FBXL7: variants seen among roughly 807,000 people sequenced by gnomAD.
The protein encoded by FBXL7 is F-box/LRR-repeat protein 7.
Under a neutral mutation model 38.3 loss-of-function variants are expected in FBXL7, and 12 were observed. The observed-to-expected ratio is 0.31, with a 90% confidence interval of 0.20 to 0.51. The LOEUF (loss-of-function observed/expected upper bound fraction) is 0.51, where lower values mean the gene tolerates loss of function less well. FBXL7 is among the 20% of genes least tolerant of loss of function. The pLI is 0.98. For synonymous variants in FBXL7, 297 were observed against 300.9 expected (o/e 0.99, Z 0.13); for missense variants, 567 against 676.4 (o/e 0.84, Z 1.79).
chr5:15,504,571 G>A (rs1200075938), intron 1 of FBXL7, among the ~76,000 whole-genome samples: 1 of 152,164 alleles, frequency 6.6e-6, no homozygotes, highest in East Asian at 1.9e-4. Context: ...GGACTAATTT[G>A]CAGCCCCATC....
chr5:15,660,136 T>G (rs1339377956), intron 2 of FBXL7, among the ~76,000 whole-genome samples: 1 of 152,200 alleles, frequency 6.6e-6, no homozygotes, highest in African/African-American at 2.4e-5. Flanking sequence ...TCAGCAACGG[T>G]GTCCCCTTTA....
chr5:15,893,742 T>G (rs767861768), intron 2 of FBXL7, among the ~76,000 whole-genome samples: 2 of 152,208 alleles, frequency 1.3e-5, no homozygotes, highest in African/African-American at 2.4e-5. Context: ...ATAATTTAGG[T>G]CAAATATTTC....
intron 2 of FBXL7, among the ~76,000 whole-genome samples, chr5:15,797,072 G>A (rs1030490470): frequency 3.9e-5 from 6 of 152,116 alleles, no homozygotes; most frequent in African/African-American, 9.7e-5. Flanking sequence ...TAGTCTGAAC[G>A]ACAAAGTAAG....
chr5:15,834,829 A>C (rs1387279455), intron 2 of FBXL7, among the ~76,000 whole-genome samples: 1 of 152,218 alleles, frequency 6.6e-6, no homozygotes, highest in Non-Finnish European at 1.5e-5. Context: ...GGGAGTATGC[A>C]GATTACAGAA....
chr5:15,709,571 C>T (rs1329160407), intron 2 of FBXL7, among the ~76,000 whole-genome samples: 1 of 150,100 alleles, frequency 6.7e-6, no homozygotes, highest in African/African-American at 2.5e-5. Flanking sequence ...ATCCTGTTTG[C>T]CCACCTTCAA....
chr5:15,663,537 A>G (rs939415312), intron 2 of FBXL7, among the ~76,000 whole-genome samples: 2 of 152,090 alleles, frequency 1.3e-5, no homozygotes, highest in African/African-American at 4.8e-5. Flanking sequence ...TATGAGGTCT[A>G]TTGAATTTTA....
chr5:15,673,657 C>G (rs1742558739), intron 2 of FBXL7, among the ~76,000 whole-genome samples: 1 of 152,174 alleles, frequency 6.6e-6, no homozygotes, highest in Non-Finnish European at 1.5e-5. Flanking sequence ...TTCAGAGTCT[C>G]TAAGCCACAG....
chr5:15,783,476 A>G (rs1007358574), intron 2 of FBXL7, among the ~76,000 whole-genome samples: 3 of 152,182 alleles, frequency 2.0e-5, no homozygotes, highest in Non-Finnish European at 4.4e-5. Flanking sequence ...CCCATGAATG[A>G]GATAACCAAC....
At chr5:15,632,952 A>G (rs1561061381) in intron 2 of FBXL7, among the ~76,000 whole-genome samples, 2 of 152,222 alleles carry the variant, frequency 1.3e-5, no homozygotes, top group Admixed American at 6.5e-5. Flanking sequence ...ACATCACACA[A>G]TATACCCAAG....
At chr5:15,760,067 G>C (rs538952635) in intron 2 of FBXL7, among the ~76,000 whole-genome samples, 3 of 151,306 alleles carry the variant, frequency 2.0e-5, no homozygotes, top group African/African-American at 7.3e-5. Flanking sequence ...TCAATTATTT[G>C]CTTTAATCCT....
At chr5:15,811,867 G>C (rs1459045848) in intron 2 of FBXL7, among the ~76,000 whole-genome samples, 1 of 152,136 alleles carries the variant, frequency 6.6e-6, no homozygotes, top group African/African-American at 2.4e-5. Context: ...GGAGAAATAG[G>C]AATGCTTTTA....
At chr5:15,874,511 G>A (rs887154197) in intron 2 of FBXL7, among the ~76,000 whole-genome samples, 8 of 152,156 alleles carry the variant, frequency 5.3e-5, no homozygotes, top group African/African-American at 1.9e-4. Flanking sequence ...TTTATATTTA[G>A]AGAACCCCAT....
chr5:15,841,410 G>A (rs1442335351), intron 2 of FBXL7, among the ~76,000 whole-genome samples: 2 of 151,916 alleles, frequency 1.3e-5, no homozygotes, highest in African/African-American at 4.8e-5. Context: ...ATAGAATAAT[G>A]AAATAAAAAA....
intron 1 of FBXL7, among the ~76,000 whole-genome samples, chr5:15,573,069 C>T (rs1738840494): frequency 6.6e-6 from 1 of 152,218 alleles, no homozygotes; most frequent in African/African-American, 2.4e-5. Flanking sequence ...CTCCCCTTCC[C>T]CCAAAATTGT....
chr5:15,796,150 G>T (rs1369897381), intron 2 of FBXL7, among the ~76,000 whole-genome samples: 2 of 152,178 alleles, frequency 1.3e-5, no homozygotes, highest in Non-Finnish European at 2.9e-5. Context: ...TGCCTTGTTA[G>T]CTAAGGAAAA....
intron 2 of FBXL7, among the ~76,000 whole-genome samples, chr5:15,862,966 A>G (rs1262298450): frequency 6.6e-6 from 1 of 152,210 alleles, no homozygotes; most frequent in African/African-American, 2.4e-5. Flanking sequence ...TGGGGAACTC[A>G]AACATTTTAC....
chr5:15,926,161 A>C (rs551598866), intron 2 of FBXL7, among the ~76,000 whole-genome samples: 1 of 152,016 alleles, frequency 6.6e-6, no homozygotes, highest in Admixed American at 6.6e-5. Flanking sequence ...GAGTATCTTC[A>C]TGTGTGTGGG....
chr5:15,873,899 C>G (rs986998726), intron 2 of FBXL7, among the ~76,000 whole-genome samples: 1 of 152,150 alleles, frequency 6.6e-6, no homozygotes, highest in African/African-American at 2.4e-5. Context: ...AGAGGGAATC[C>G]TCCCTAACTC....
intron 1 of FBXL7, among the ~76,000 whole-genome samples, chr5:15,514,790 C>T (rs1056189773): frequency 6.6e-6 from 1 of 152,184 alleles, no homozygotes; most frequent in Non-Finnish European, 1.5e-5. Flanking sequence ...CAGCCCAGTG[C>T]CTCTCCAGAA....
Sources: allele counts gnomAD v4.1 joint callset (sites outside exome capture counted in the v4.1 genomes callset), GRCh38; gene constraint gnomAD v4.1.1; transcripts MANE v1.5; gene names NCBI Gene and HGNC (gene_info 2026-07-23, HGNC 2026-07-21).